NRXN1: variants seen among roughly 807,000 people sequenced by gnomAD.
NRXN1 encodes neurexin-1.
In NRXN1, 39 loss-of-function variants were observed where a neutral mutation model predicts 150.9. The ratio of observed to expected loss-of-function variants is 0.26; its 90% CI spans 0.20 to 0.34. The LOEUF is 0.34. Among genes scored for constraint, NRXN1 ranks in the 10% least tolerant of loss-of-function variants. The pLI is 1.00. For missense variants in NRXN1, 1,815 were observed against 1,949.9 expected, an observed-to-expected ratio of 0.93 and a Z score of 1.30; for synonymous variants, 924 against 757.0, an observed-to-expected ratio of 1.22 and a Z score of -3.62.
chr2:50,622,897 C>T (rs554576682), intron 6 of NRXN1, among the ~76,000 whole-genome samples: 8 of 152,212 alleles, frequency 5.3e-5, no homozygotes, highest in African/African-American at 1.9e-4. Context: ...CTGATACAAT[C>T]CCAAATCACA....
At chr2:50,417,391 T>A (rs959722849) in intron 17 of NRXN1, 1 of 152,104 alleles carries the variant, frequency 6.6e-6, no homozygotes, top group Non-Finnish European at 1.5e-5. Context: ...TCTCACTGCA[T>A]CTTTTGTTTT....
chr2:50,176,421 G>A (rs1028113853), intron 18 of NRXN1, among the ~76,000 whole-genome samples: 2 of 152,024 alleles, frequency 1.3e-5, no homozygotes, highest in South Asian at 2.1e-4. Flanking sequence ...AGGAGCAGGG[G>A]CCTTTCCTGT....
intron 2 of NRXN1, among the ~76,000 whole-genome samples, chr2:51,009,741 C>T (rs1411663090): frequency 6.6e-6 from 1 of 151,916 alleles, no homozygotes; most frequent in Non-Finnish European, 1.5e-5. Context: ...CTGGCCTATT[C>T]AGCCATATCT....
chr2:50,576,813 T>A (rs1307471846), intron 8 of NRXN1, among the ~76,000 whole-genome samples: 1 of 152,090 alleles, frequency 6.6e-6, no homozygotes, highest in East Asian at 1.9e-4. Context: ...ACCTCCCTTT[T>A]AACTTTCTCA....
intron 2 of NRXN1, among the ~76,000 whole-genome samples, chr2:51,012,634 G>C (rs1425092732): frequency 6.6e-6 from 1 of 152,032 alleles, no homozygotes; most frequent in Non-Finnish European, 1.5e-5. Context: ...AAGGGCTTGA[G>C]AGCACAGAGG....
intron 5 of NRXN1, among the ~76,000 whole-genome samples, chr2:50,871,436 T>C (rs17505013): frequency 0.059 from 8,941 of 151,904 alleles, 276 homozygotes; most frequent in East Asian, 0.07. Flanking sequence ...GCTTATAAGG[T>C]GAACAAACGT....
At chr2:50,067,955 CA>C (rs1695612165) in intron 19 of NRXN1, among the ~76,000 whole-genome samples, 1 of 152,174 alleles carries the variant, frequency 6.6e-6, no homozygotes, top group Admixed American at 6.5e-5. Flanking sequence ...ACTCCATTAT[CA>C]GTCTTGACTT....
At chr2:50,620,320 T>C (rs1679786566) in intron 7 of NRXN1, 137 bp from the exon 8 acceptor site, 3 of 1,048,096 alleles carry the variant, frequency 2.9e-6, no homozygotes, top group South Asian at 1.8e-5. Flanking sequence ...TCTGTTTGTT[T>C]GGTTTTTGTT....
At chr2:50,297,364 A>G (rs907803214) in intron 17 of NRXN1, among the ~76,000 whole-genome samples, 2 of 152,212 alleles carry the variant, frequency 1.3e-5, no homozygotes, top group African/African-American at 4.8e-5. Context: ...AGTGCTCATC[A>G]GGTAACTATA....
chr2:50,840,919 T>A (rs1265888379), intron 5 of NRXN1: 2 of 152,224 alleles, frequency 1.3e-5, no homozygotes, highest in Non-Finnish European at 2.9e-5. Context: ...TGTGTAACGC[T>A]TACTTCCCTC....
At chr2:50,049,922 C>G (rs7421418) in intron 21 of NRXN1, among the ~76,000 whole-genome samples, 113,525 of 151,964 alleles carry the variant, frequency 0.75, 43,353 homozygotes, top group African/African-American at 0.91. Context: ...TTCATAAAAT[C>G]AGGAGGCCTT....
chr2:50,431,552 A>G (rs773928280), intron 17 of NRXN1, among the ~76,000 whole-genome samples: 3 of 152,096 alleles, frequency 2.0e-5, no homozygotes, highest in Non-Finnish European at 2.9e-5. Flanking sequence ...TTTTATTTTT[A>G]TTTTTTTAAA....
At chr2:50,058,778 CTG>C (rs1320144384) in intron 19 of NRXN1, among the ~76,000 whole-genome samples, 12 of 152,010 alleles carry the variant, frequency 7.9e-5, no homozygotes, top group Admixed American at 6.6e-4. Context: ...CTCACAAGAC[CTG>C]ATGGTTTTAT....
At chr2:50,530,403 C>T (rs951765387) in intron 11 of NRXN1, among the ~76,000 whole-genome samples, 4 of 152,016 alleles carry the variant, frequency 2.6e-5, no homozygotes, top group Admixed American at 1.3e-4. Flanking sequence ...GAGCCCTTTC[C>T]GTGATAAGAC....
chr2:50,357,302 A>T lies in NRXN1; in HGVS notation c.3364+108140T>A, dbSNP rs528611136. On this transcript the variant is annotated intron_variant, in intron 17 of 22. Coordinates refer to ENST00000401669, the MANE Select transcript of NRXN1 (RefSeq NM_001330078.2). ...AAATAATACATTTATTTATTTATTT[A>T]TTTTTTTTTTTATTTATTATTTTGA... 6.9e-3 allele frequency among the ~76,000 whole-genome samples: 987 copies of T among 142,890 alleles called. 5 individuals carry two copies. Among genetic ancestry groups the T allele is most frequent in the African/African-American group, 0.013 (471 of 36,070 alleles). 93.7% of individuals were successfully genotyped at this position (142,890 alleles called of 152,430 possible). A position where few individuals can be genotyped will look rare whatever the true frequency, so the allele number is the denominator to read the frequency against.
At chr2:50,280,232 C>T (rs549106224) in intron 17 of NRXN1, among the ~76,000 whole-genome samples, 2 of 140,738 alleles carry the variant, frequency 1.4e-5, no homozygotes, top group South Asian at 2.3e-4. Context: ...GAGCCGAGAT[C>T]ACACCACTGC....
At chr2:50,060,331 C>A (rs1304289780) in intron 19 of NRXN1, among the ~76,000 whole-genome samples, 1 of 152,102 alleles carries the variant, frequency 6.6e-6, no homozygotes, top group African/African-American at 2.4e-5. Context: ...TGGCCAATTT[C>A]TCCCATTTGG....
At chr2:50,034,783 T>A (rs1689766424) in intron 21 of NRXN1, among the ~76,000 whole-genome samples, 1 of 152,108 alleles carries the variant, frequency 6.6e-6, no homozygotes, top group Admixed American at 6.6e-5. Flanking sequence ...GTACCCTATT[T>A]CTATCATATT....
At chr2:50,210,548 T>C (rs2062940740) in intron 18 of NRXN1, among the ~76,000 whole-genome samples, 2 of 151,796 alleles carry the variant, frequency 1.3e-5, no homozygotes, top group Non-Finnish European at 1.5e-5. Context: ...GATCATTTAG[T>C]AGACCTTGTG....
Sources: allele counts gnomAD v4.1 joint callset (sites outside exome capture counted in the v4.1 genomes callset), GRCh38; gene constraint gnomAD v4.1.1; transcripts MANE v1.5; gene names NCBI Gene and HGNC (gene_info 2026-07-23, HGNC 2026-07-21).